The following ASIC2 variants were observed in gnomAD, a reference collection of about 807,000 sequenced individuals.
ASIC2 encodes acid-sensing ion channel 2.
Under a neutral mutation model 57.3 loss-of-function variants are expected in ASIC2, and 25 were observed. The ratio of observed to expected loss-of-function variants is 0.44; its 90% confidence interval spans 0.32 to 0.61. The LOEUF (loss-of-function observed/expected upper bound fraction) is 0.61. ASIC2 is among the 20% of genes least tolerant of loss of function. The pLI, the probability that ASIC2 is intolerant of heterozygous loss-of-function variation, is 0.06. For missense variants in ASIC2, 641 were observed against 738.1 expected (o/e 0.87, Z 1.52); for synonymous variants, 319 against 307.5 (o/e 1.04, Z -0.39).
At chr17:33,652,431 A>G (rs747156772) in intron 1 of ASIC2, among the ~76,000 whole-genome samples, 1 of 152,194 alleles carries the variant, frequency 6.6e-6, no homozygotes, top group Non-Finnish European at 1.5e-5. Context: ...AGCACTTTAT[A>G]TACATGATCT....
chr17:33,881,184 C>T (rs1914690246), intron 1 of ASIC2, among the ~76,000 whole-genome samples: 1 of 152,136 alleles, frequency 6.6e-6, no homozygotes, highest in Non-Finnish European at 1.5e-5. Context: ...GGAAGCATTC[C>T]CTTTGAAAAC....
chr17:33,456,251 G>A (rs539239934), intron 1 of ASIC2, among the ~76,000 whole-genome samples: 2 of 152,184 alleles, frequency 1.3e-5, no homozygotes, highest in East Asian at 3.9e-4. Flanking sequence ...CCACCCCAGG[G>A]TCTTTGGCTT....
chr17:33,594,102 G>A (rs556428650), intron 1 of ASIC2, among the ~76,000 whole-genome samples: 8 of 152,322 alleles, frequency 5.3e-5, no homozygotes, highest in Non-Finnish European at 7.3e-5. Context: ...CTTAGCTCGC[G>A]TTTCCTACAC....
At chr17:33,445,548 G>C (rs192564908) in intron 1 of ASIC2, among the ~76,000 whole-genome samples, 43 of 152,076 alleles carry the variant, frequency 2.8e-4, no homozygotes, top group Non-Finnish European at 5.7e-4. Flanking sequence ...GTGGGCACAA[G>C]GTCACTATAA....
At chr17:34,030,223 T>C (rs1907540142) in intron 1 of ASIC2, among the ~76,000 whole-genome samples, 1 of 152,244 alleles carries the variant, frequency 6.6e-6, no homozygotes, top group Non-Finnish European at 1.5e-5. Flanking sequence ...AAAGATTTCA[T>C]GCACTTCTGC....
rs1597758566 is a variant in ASIC2 at position 33,513,170 on chromosome 17, AAG to A, written c.556-401105_556-401104del. Reference sequence around the variant, plus strand: ...AGGAAGAAGAGAAACTAATAAGAGTAAGAGTAGAATACTTCTGTTGTTCTCAA... The same window carrying A: ...AGGAAGAAGAGAAACTAATAAGAGTAAGTAGAATACTTCTGTTGTTCTCAA... On this transcript the variant is annotated intron_variant, in intron 1 of 9. Transcript: ENST00000359872. 2.6e-5 allele frequency among the ~76,000 whole-genome samples: 4 copies of A among 152,394 alleles called. 1 individual carries two copies. The highest frequency in any genetic ancestry group is 1.3e-4 in the Admixed American group (2 of 15,308).
intron 1 of ASIC2, among the ~76,000 whole-genome samples, chr17:33,495,169 G>A (rs1256477169): frequency 6.6e-6 from 1 of 152,200 alleles, no homozygotes; most frequent in Non-Finnish European, 1.5e-5. Context: ...TTCTGCCCCT[G>A]AGAGTGAGTG....
At chr17:33,170,149 T>C (rs1567771565) in intron 1 of ASIC2, among the ~76,000 whole-genome samples, 1 of 152,186 alleles carries the variant, frequency 6.6e-6, no homozygotes, top group Non-Finnish European at 1.5e-5. Context: ...ATCCTTTTGG[T>C]AAATTTTTCT....
intron 1 of ASIC2, among the ~76,000 whole-genome samples, chr17:33,766,448 C>T (rs1910939118): frequency 6.6e-6 from 1 of 152,162 alleles, no homozygotes; most frequent in African/African-American, 2.4e-5. Context: ...GAGGTAGAGG[C>T]AGTGGCACCA....
chr17:33,476,535 A>ATATGTG (rs1491353193), intron 1 of ASIC2, among the ~76,000 whole-genome samples: 2 of 95,078 alleles, frequency 2.1e-5, no homozygotes, highest in African/African-American at 9.2e-5. Context: ...ATATATATAT[A>ATATGTG]TGTACAGGGG....
chr17:34,077,112 C>A (rs1167504311), intron 1 of ASIC2, among the ~76,000 whole-genome samples: 1 of 152,204 alleles, frequency 6.6e-6, no homozygotes, highest in Non-Finnish European at 1.5e-5. Context: ...GGATTCGGAT[C>A]CAGGCCATCT....
chr17:34,022,465 G>T (rs1217400488), intron 1 of ASIC2, among the ~76,000 whole-genome samples: 3 of 152,040 alleles, frequency 2.0e-5, no homozygotes, highest in African/African-American at 7.2e-5. Context: ...TAGGAAGTAA[G>T]ATGGGCAATC....
Position 33,108,775 on chromosome 17 carries a change from G to T in ASIC2, c.859+3142C>A, listed in dbSNP as rs894198368. Among the ~76,000 whole-genome samples, 3 of 152,322 alleles carry T rather than the reference G, an allele frequency of 2.0e-5. No homozygotes were observed. The East Asian group carries it at 5.8e-4, about 29-fold the overall frequency. On this transcript the variant is annotated intron_variant, in intron 2 of 9. Transcript: ENST00000225823. ...GGTCTGGCTGAGGGGTCTGGGGGAAGTGACAAAACCTCAGCCTCCTTTTCT... is the reference window on the plus strand; with the variant it reads ...GGTCTGGCTGAGGGGTCTGGGGGAATTGACAAAACCTCAGCCTCCTTTTCT...
chr17:33,433,250 G>A (rs1168884400), intron 1 of ASIC2, among the ~76,000 whole-genome samples: 1 of 152,132 alleles, frequency 6.6e-6, no homozygotes, highest in Non-Finnish European at 1.5e-5. Flanking sequence ...TCCTTTGCAG[G>A]AACATGGATG....
intron 1 of ASIC2, among the ~76,000 whole-genome samples, chr17:33,563,987 G>A (rs2141986102): frequency 6.6e-6 from 1 of 152,280 alleles, no homozygotes; most frequent in East Asian, 1.9e-4. Flanking sequence ...AGATTAGATG[G>A]CTAAAGTAGA....
At chr17:33,503,641 A>T (rs1004488194) in intron 1 of ASIC2, among the ~76,000 whole-genome samples, 2 of 152,118 alleles carry the variant, frequency 1.3e-5, no homozygotes, top group African/African-American at 4.8e-5. Flanking sequence ...CCTCCAAATC[A>T]AAACCTCTTG....
At chr17:33,549,491 CT>C (rs1915681518) in intron 1 of ASIC2, among the ~76,000 whole-genome samples, 1 of 152,170 alleles carries the variant, frequency 6.6e-6, no homozygotes, top group South Asian at 2.1e-4. Context: ...CTCACCTCCT[CT>C]CTTAATTTTT....
At chr17:34,069,793 A>G (rs909328779) in intron 1 of ASIC2, 1 of 152,242 alleles carries the variant, frequency 6.6e-6, no homozygotes, top group Non-Finnish European at 1.5e-5. Context: ...TCAGGCAACC[A>G]TTTTGCAGAA....
intron 3 of ASIC2, among the ~76,000 whole-genome samples, chr17:33,086,220 A>AAATAGCAGCCT (rs1279633405): frequency 1.3e-5 from 2 of 152,162 alleles, no homozygotes; most frequent in African/African-American, 4.8e-5. Context: ...GGCTGATGAA[A>AAATAGCAGCCT]AATAGCAGCC....
Sources: allele counts gnomAD v4.1 joint callset (sites outside exome capture counted in the v4.1 genomes callset), GRCh38; gene constraint gnomAD v4.1.1; transcripts MANE v1.5; gene names NCBI Gene and HGNC (gene_info 2026-07-23, HGNC 2026-07-21).